The following TRIM61 variants were observed in gnomAD, a reference collection of about 807,000 sequenced individuals.
TRIM61 encodes tripartite motif containing 61, also known as putative tripartite motif-containing protein 61.
A neutral mutation model predicts 14.2 loss-of-function variants in TRIM61; 1 was observed. That is an observed-to-expected ratio of 0.07 (90% CI 0.03 to 0.33). TRIM61 has a LOEUF of 0.33. TRIM61 is among the 10% of genes least tolerant of loss of function. The pLI is 0.99. For missense variants in TRIM61, 19 were observed against 202.2 expected, an observed-to-expected ratio of 0.09 and a Z score of 5.49; for synonymous variants, 8 against 71.6, an observed-to-expected ratio of 0.11 and a Z score of 4.49.
chr4:164,962,283 C>T (rs376137448), intron 3 of TRIM61, among the ~76,000 whole-genome samples: 9 of 145,856 alleles, frequency 6.2e-5, no homozygotes, highest in East Asian at 6.1e-4. Flanking sequence ...TGCAGTGGTG[C>T]GATCTTGGCT....
intron 2 of TRIM61, among the ~76,000 whole-genome samples, chr4:164,974,454 T>C (rs28581275): frequency 0.25 from 38,271 of 152,190 alleles, 5,138 homozygotes; most frequent in Middle Eastern, 0.36. Context: ...AGAACCTGCA[T>C]CCACTGGTCT....
intron 2 of TRIM61, among the ~76,000 whole-genome samples, chr4:164,970,702 A>G (rs1399498754): frequency 1.3e-5 from 2 of 152,212 alleles, no homozygotes; most frequent in African/African-American, 4.8e-5. Flanking sequence ...GCATTAAAAA[A>G]AAAGGTTTCT....
chr4:164,975,577 G>A (rs1268553624), intron 2 of TRIM61, among the ~76,000 whole-genome samples: 1 of 152,200 alleles, frequency 6.6e-6, no homozygotes, highest in African/African-American at 2.4e-5. Context: ...GGGATCTAGG[G>A]CTGTGCAGGA....
At chr4:164,969,211 G>A (rs1732305427) in intron 3 of TRIM61, 2 of 1,298,220 alleles carry the variant, frequency 1.5e-6, no homozygotes, top group Non-Finnish European at 2.0e-6. Context: ...ACAGCTCAGG[G>A]AATTTTAAAT....
chr4:164,966,514 A>C (rs1732245770), intron 3 of TRIM61, among the ~76,000 whole-genome samples: 1 of 152,264 alleles, frequency 6.6e-6, no homozygotes, highest in African/African-American at 2.4e-5. Flanking sequence ...AGGAGTTCAA[A>C]GTGACTGCCT....
intron 3 of TRIM61, among the ~76,000 whole-genome samples, chr4:164,967,295 C>T (rs1043613188): frequency 7.9e-5 from 12 of 152,152 alleles, no homozygotes; most frequent in Non-Finnish European, 1.3e-4. Context: ...CAATTTTCTC[C>T]GTATTAATCT....
intron 3 of TRIM61, chr4:164,957,382 AC>A (rs752168668): frequency 1.2e-6 from 2 of 1,614,074 alleles, no homozygotes; most frequent in Admixed American, 3.3e-5. Context: ...CAGAAGGACC[AC>A]CAGGAAAAGT....
intron 3 of TRIM61, among the ~76,000 whole-genome samples, chr4:164,955,937 A>C (rs1326318382): frequency 6.6e-6 from 1 of 152,260 alleles, no homozygotes; most frequent in East Asian, 1.9e-4. Flanking sequence ...CAAAGGAGAC[A>C]GAATCTGAGA....
rs141021481 is a variant in TRIM61, at chr4:164,968,561, TGAAA to T, written c.525+913_525+916del. The T allele has an allele frequency of 5.5e-4, 547 of 985,770 alleles. 2 individuals are homozygous for T. In the African/African-American group the frequency reaches 8.9e-3, roughly 16 times the overall value. 61.1% of individuals were successfully genotyped at this position (985,770 alleles called of 1,614,324 possible). ...CACTGGCTCAGTTATGTCTACTAGG[TGAAA>T]GAAACTGAGTCTTCTAATAATTCAT... On this transcript the variant is annotated intron_variant, in intron 3 of 4. Transcript: ENST00000329314.
intron 2 of TRIM61, among the ~76,000 whole-genome samples, chr4:164,971,770 G>A (rs1240755973): frequency 9.9e-5 from 15 of 151,990 alleles, no homozygotes. Flanking sequence ...ACACCCACAG[G>A]TACCCGATTT....
chr4:164,975,375 G>A (rs1732460564), intron 2 of TRIM61, among the ~76,000 whole-genome samples: 1 of 152,156 alleles, frequency 6.6e-6, no homozygotes, highest in Non-Finnish European at 1.5e-5. Context: ...CAAAGTGCAG[G>A]GAAAAGAAAG....
chr4:164,969,029 T>C (rs1732301720), intron 3 of TRIM61: 1 of 1,049,776 alleles, frequency 9.5e-7, no homozygotes, highest in Admixed American at 5.0e-5. Context: ...ATGAGGTACA[T>C]TTTGTGTTGT....
In TRIM61 at chr4:164,957,654, A is replaced by G. The variant is rs559013041; in HGVS notation, c.526-2558T>C. 23 of 897,782 alleles carry G rather than the reference A, an allele frequency of 2.6e-5. No homozygotes were observed. The South Asian group carries it at 3.5e-4, about 14-fold the overall frequency. 55.6% of individuals were successfully genotyped at this position (897,782 alleles called of 1,614,324 possible). The stretch of plus-strand genomic sequence containing the variant: ...AGTCGAATATTAGAGGAAGAGATTA[A>G]ACTCTGATTTTGAGCACTTTGTGCT... On this transcript the variant is annotated intron_variant, in intron 3 of 4. Transcript: ENST00000329314.
chr4:164,977,496 C>G (rs911007411), intron 1 of TRIM61, 35 bp downstream of exon 1: 2 of 152,270 alleles, frequency 1.3e-5, no homozygotes, highest in African/African-American at 4.8e-5. Context: ...CTGGCGAGGC[C>G]CTTCTGGGCC....
rs1732401298 is a variant in TRIM61 at position 164,972,941 on chromosome 4, G to A, written c.-337-2602C>T. ...CTTAGCTCGCCATTCAGAACCCTTC[G>A]TATTTCATTATCTTCATCTGGCTAC... On this transcript the variant is annotated intron_variant, in intron 2 of 4. Coordinates refer to ENST00000329314, the MANE Select transcript of TRIM61 (RefSeq NM_001012414.3). Among the ~76,000 whole-genome samples the A allele has an allele frequency of 3.3e-5, 5 of 152,082 alleles. No homozygotes were observed. In the South Asian group the frequency reaches 1.0e-3, roughly 32 times the overall value.
chr4:164,975,275 A>C (rs1408151996), intron 2 of TRIM61, among the ~76,000 whole-genome samples: 2 of 152,048 alleles, frequency 1.3e-5, no homozygotes, highest in African/African-American at 4.8e-5. Flanking sequence ...TAGTTAGTAA[A>C]CTGCAGAGCA....
intron 3 of TRIM61, among the ~76,000 whole-genome samples, chr4:164,955,669 T>C (rs1481489112): frequency 6.6e-6 from 1 of 152,090 alleles, no homozygotes; most frequent in Non-Finnish European, 1.5e-5. Context: ...TGATTTTCCT[T>C]GTCTTCATGT....
chr4:164,957,150 C>CT, intron 3 of TRIM61: 1 of 1,609,450 alleles, frequency 6.2e-7, no homozygotes, highest in Non-Finnish European at 8.5e-7. Context: ...TCGGGTCTCC[C>CT]TAACAGACCT....
At chr4:164,961,153 CAAAAAAAAAAAAAAAAAAAAAAAAAAA>C (rs762554625) in intron 3 of TRIM61, among the ~76,000 whole-genome samples, 10 of 31,720 alleles carry the variant, frequency 3.2e-4, no homozygotes, top group Admixed American at 2.3e-3. Flanking sequence ...AACTCTCAGG[CAAAAAAAAAAAAAAAAAAAAAAAAAAA>C]AAAAAAAAAA....
Sources: gnomAD v4.1 joint callset for allele counts (sites outside exome capture counted in the v4.1 genomes callset) on GRCh38, gnomAD v4.1.1 for gene constraint, MANE v1.5 for transcripts, NCBI Gene and HGNC (gene_info 2026-07-23, HGNC 2026-07-21) for gene names.